DYTN: variants seen among roughly 807,000 people sequenced by gnomAD.
The protein encoded by DYTN is dystrotelin.
DYTN carries 75 observed loss-of-function variants against 69.6 expected under a neutral mutation model. The observed-to-expected ratio is 1.08, with a 90% CI of 0.89 to 1.31. The LOEUF is 1.31. DYTN is among the 50% of genes most tolerant of loss of function. DYTN has a pLI of 0.00. For missense variants in DYTN, 726 were observed against 688.4 expected (o/e 1.05, Z -0.61); for synonymous variants, 252 against 249.1 (o/e 1.01, Z -0.11).
rs189426536 is a variant in DYTN, at chr2:206,698,471, C to T, written c.719+1256G>A. On this transcript the variant is annotated intron_variant, in intron 7 of 11. Transcript: ENST00000452335. ...GGAGCTGAGTCCTGAGGCCTCTTGT[C>T]CCCTTCTCCTTCCGGGAACCCTCAG... Among the ~76,000 whole-genome samples the T allele has an allele frequency of 4.6e-5, 7 of 152,258 alleles. No individual in the cohort carries two copies. In the East Asian group the frequency reaches 1.4e-3, roughly 29 times the overall value.
At chr2:206,705,254 A>C (rs1030539434) in intron 4 of DYTN, among the ~76,000 whole-genome samples, 1 of 151,972 alleles carries the variant, frequency 6.6e-6, no homozygotes, top group Non-Finnish European at 1.5e-5. Flanking sequence ...GTGCCACCAC[A>C]CCCGGCTAAT....
At chr2:206,662,855 G>A (rs751200734) in intron 11 of DYTN, 48 bp downstream of exon 11, 1 of 1,559,606 alleles carries the variant, frequency 6.4e-7, no homozygotes, top group Admixed American at 1.9e-5. Context: ...TAAAAAGGCA[G>A]CTTGAATCCT....
intron 9 of DYTN, among the ~76,000 whole-genome samples, chr2:206,675,274 T>C (rs1163683669): frequency 1.4e-5 from 2 of 140,338 alleles, no homozygotes; most frequent in Non-Finnish European, 3.0e-5. Context: ...TATATGTATG[T>C]ATGTTATATT....
rs184741395 is a variant in DYTN at position 206,668,988 on chromosome 2, T to C, written c.981-2959A>G. On this transcript the variant is annotated intron_variant, in intron 9 of 11. Transcript: ENST00000452335. ...AAGTTTCCTGAGGCCTCCCCAGCAG[T>C]GTGGAACTGTGAGTCAATTAAACCT... Among the ~76,000 whole-genome samples the C allele has an allele frequency of 4.0e-3, 608 of 152,320 alleles. 3 individuals carry two copies. Among genetic ancestry groups the C allele is most frequent in the African/African-American group, 0.013 (537 of 41,566 alleles).
At position 206,663,081 on chromosome 2, in the gene DYTN, C is replaced by T. The variant is rs746423667; in HGVS notation, c.1455G>A (p.Glu485=). The change falls in exon 11 of 12, where the codon GAG becomes GAA. Residue 485 remains glutamate, a synonymous_variant. Coordinates refer to ENST00000452335, the MANE Select transcript of DYTN (RefSeq NM_001093730.1). ...TTTTGGGGATGTCCTGCTTCAGTCC[C>T]TCCTGATAACTGGGTAGGGCACTAA... is the stretch of plus-strand genomic sequence containing the variant. ...KVISALPSYQ[E]GLKQDIPKMV... 42 of 1,613,770 alleles carry T rather than the reference C, an allele frequency of 2.6e-5. 1 individual carries two copies. The South Asian group carries it at 4.1e-4, about 16-fold the overall frequency.
intron 9 of DYTN, among the ~76,000 whole-genome samples, chr2:206,680,862 A>G (rs1370011566): frequency 1.3e-5 from 2 of 152,172 alleles, no homozygotes; most frequent in Non-Finnish European, 2.9e-5. Flanking sequence ...AAATGGGTAT[A>G]CAGGCTCTTT....
At chr2:206,675,935 T>C (rs936716928) in intron 9 of DYTN, among the ~76,000 whole-genome samples, 2 of 152,218 alleles carry the variant, frequency 1.3e-5, no homozygotes, top group African/African-American at 2.4e-5. Context: ...AAACAACAGA[T>C]GCTGGTGAGG....
At chr2:206,699,370 C>T (rs1864265) in intron 7 of DYTN, among the ~76,000 whole-genome samples, 43,267 of 152,090 alleles carry the variant, frequency 0.28, 6,431 homozygotes, top group East Asian at 0.43. Context: ...GGGTTTGAAG[C>T]TGCAGTGAGC....
At chr2:206,695,006 AAGTTTCTCCCAAACTAT>A (rs1699906330) in intron 7 of DYTN, 129 bp from the exon 8 acceptor site, 1 of 594,970 alleles carries the variant, frequency 1.7e-6, no homozygotes, top group East Asian at 2.9e-5. Context: ...AATCAGTGTA[AAGTTTCTCCCAAACTAT>A]AGGATTATTA....
intron 1 of DYTN, among the ~76,000 whole-genome samples, chr2:206,714,010 G>A (rs549223440): frequency 6.6e-6 from 1 of 152,254 alleles, no homozygotes; most frequent in South Asian, 2.1e-4. Context: ...GGAACTGCTT[G>A]GTGTACTTCT....
In DYTN at chr2:206,707,434, T is replaced by A; in HGVS notation, c.164A>T (p.His55Leu). ...LRPSFWEARK[H>L]SLSVQQLSQA... ...AGAAAGTTGCTGCACAGAAAGGGAG[T>A]GCTTGCGAGCTTCCCAGAAACTTGG... Residue 55 changes from histidine (H) to leucine (L), a missense_variant, in exon 3 of 12, where the codon CAC (histidine) becomes CTC (leucine). Coordinates refer to ENST00000452335, the MANE Select transcript of DYTN (RefSeq NM_001093730.1). 1.2e-6 allele frequency: 2 copies of A among 1,612,976 alleles called. No homozygotes were observed. Among genetic ancestry groups the A allele is most frequent in the Non-Finnish European group, 1.7e-6 (2 of 1,179,598 alleles).
chr2:206,707,010 G>A (rs535100758), intron 3 of DYTN, among the ~76,000 whole-genome samples: 42 of 152,078 alleles, frequency 2.8e-4, no homozygotes, highest in Middle Eastern at 3.4e-3. Context: ...AAGTGTAAAC[G>A]CCCTAGCAAA....
At chr2:206,663,509 C>T in intron 10 of DYTN, 114 bp from the exon 11 acceptor site, 1 of 1,151,606 alleles carries the variant, frequency 8.7e-7, no homozygotes, top group East Asian at 2.7e-5. Context: ...TTTCTTTCTC[C>T]TCTGTAAATA....
At chr2:206,710,683 G>C (rs1700072089) in intron 1 of DYTN, 85 bp from the exon 2 acceptor site, 1 of 1,081,508 alleles carries the variant, frequency 9.2e-7, no homozygotes, top group Admixed American at 3.0e-5. Flanking sequence ...TAGAGATCAT[G>C]TAAGCTTACT....
chr2:206,699,687 T>C (rs1699955461), intron 7 of DYTN, 40 bp downstream of exon 7: 1 of 1,592,110 alleles, frequency 6.3e-7, no homozygotes, highest in Non-Finnish European at 8.5e-7. Context: ...TAGAACCATA[T>C]GGAGAATGAT....
intron 9 of DYTN, among the ~76,000 whole-genome samples, chr2:206,689,093 A>G (rs769124192): frequency 2.0e-5 from 3 of 152,216 alleles, no homozygotes; most frequent in Non-Finnish European, 4.4e-5. Context: ...CTTTTTAACT[A>G]TGTTTTCAAG....
At chr2:206,684,393 C>T (rs1040348542) in intron 9 of DYTN, among the ~76,000 whole-genome samples, 20 of 152,128 alleles carry the variant, frequency 1.3e-4, no homozygotes, top group Admixed American at 3.3e-4. Flanking sequence ...CAGCATTGAC[C>T]CCCTGGACTC....
chr2:206,680,302 C>A (rs778053402), intron 9 of DYTN, among the ~76,000 whole-genome samples: 11 of 152,068 alleles, frequency 7.2e-5, no homozygotes, highest in Middle Eastern at 3.2e-3. Flanking sequence ...ATGGGAAAAA[C>A]CTGCCCCCAT....
At chr2:206,693,369 G>A (rs748341091) in intron 8 of DYTN, 46 bp from the exon 9 acceptor site, 38 of 1,577,166 alleles carry the variant, frequency 2.4e-5, no homozygotes, top group African/African-American at 2.7e-5. Flanking sequence ...ATCAGTCTAC[G>A]TGTGGTCTTC....
Sources: gnomAD v4.1 joint callset for allele counts (sites outside exome capture counted in the v4.1 genomes callset) on GRCh38, gnomAD v4.1.1 for gene constraint, MANE v1.5 for transcripts, NCBI Gene and HGNC (gene_info 2026-07-23, HGNC 2026-07-21) for gene names.